The following GRM7 variants were observed in gnomAD, a reference collection of about 807,000 sequenced individuals.
GRM7 encodes metabotropic glutamate receptor 7.
GRM7 carries 35 observed loss-of-function variants against 84.5 expected under a neutral mutation model. The observed-to-expected ratio is 0.41, with a 90% CI of 0.32 to 0.55. The LOEUF (loss-of-function observed/expected upper bound fraction) is 0.55, where lower values mean the gene tolerates loss of function less well. GRM7 is among the 20% of genes least tolerant of loss of function. The pLI, the probability that GRM7 is intolerant of heterozygous loss-of-function variation, is 0.19. For synonymous variants in GRM7, 487 were observed against 455.1 expected (o/e 1.07, Z -0.89); for missense variants, 1,003 against 1,194.6 (o/e 0.84, Z 2.36).
rs1205053001 is a variant in GRM7, at chr3:6,889,311, G to A, written c.519+27404G>A. Among the ~76,000 whole-genome samples, 3 of 152,248 alleles carry A rather than the reference G, an allele frequency of 2.0e-5. No individual in the cohort carries two copies. In the South Asian group the frequency reaches 6.2e-4, roughly 32 times the overall value. On this transcript the variant is annotated intron_variant, in intron 1 of 9. Transcript: ENST00000357716. ...GAGAGGGCATCCCTTTCTTGTGCCA[G>A]TTTTCAAAGGGAATGCTTCCAGTTT... is the stretch of plus-strand genomic sequence containing the variant.
intron 8 of GRM7, among the ~76,000 whole-genome samples, chr3:7,675,623 A>G (rs1700089001): frequency 6.6e-6 from 1 of 152,236 alleles, no homozygotes; most frequent in African/African-American, 2.4e-5. Flanking sequence ...TGAATTCACC[A>G]CATATTTATG....
At chr3:7,460,099 TAAAAAAAAAAAAAAAAAAAA>T (rs71066013) in intron 6 of GRM7, among the ~76,000 whole-genome samples, 1 of 49,544 alleles carries the variant, frequency 2.0e-5, no homozygotes, top group Non-Finnish European at 3.3e-5. Flanking sequence ...CTTAAAATAG[TAAAAAAAAAAAAAAAAAAAA>T]AAAAAAAAAA....
At chr3:7,462,539 A>T (rs1236764419) in intron 7 of GRM7, among the ~76,000 whole-genome samples, 1 of 152,264 alleles carries the variant, frequency 6.6e-6, no homozygotes, top group African/African-American at 2.4e-5. Flanking sequence ...GCAACAAATT[A>T]TGCCATTAGC....
chr3:7,727,341 T>C (rs933308383), intron 9 of GRM7, among the ~76,000 whole-genome samples: 1 of 152,196 alleles, frequency 6.6e-6, no homozygotes, highest in African/African-American at 2.4e-5. Context: ...ATACTGCTTT[T>C]CAAATGCATG....
At chr3:7,394,811 G>A (rs1372850526) in intron 4 of GRM7, among the ~76,000 whole-genome samples, 1 of 152,112 alleles carries the variant, frequency 6.6e-6, no homozygotes, top group African/African-American at 2.4e-5. Flanking sequence ...GCCAAGGCGG[G>A]CAGGTCACCT....
intron 2 of GRM7, among the ~76,000 whole-genome samples, chr3:7,202,326 ATGTTTGTT>A: frequency 6.6e-6 from 1 of 151,914 alleles, no homozygotes; most frequent in East Asian, 1.9e-4. Context: ...TGTTTTTTGT[ATGTTTGTT>A]TGTTTGTTTG....
At chr3:7,333,914 A>G in intron 4 of GRM7, among the ~76,000 whole-genome samples, 1 of 152,008 alleles carries the variant, frequency 6.6e-6, no homozygotes, top group Admixed American at 6.6e-5. Flanking sequence ...AGACAAAGAC[A>G]AAGAATAAAG....
intron 1 of GRM7, among the ~76,000 whole-genome samples, chr3:7,057,890 A>G (rs1392074346): frequency 6.6e-6 from 1 of 151,940 alleles, no homozygotes; most frequent in Non-Finnish European, 1.5e-5. Context: ...TACTTAGGCA[A>G]ATGAAGCATA....
chr3:7,497,881 G>A (rs1282092328), intron 7 of GRM7, among the ~76,000 whole-genome samples: 1 of 152,134 alleles, frequency 6.6e-6, no homozygotes, highest in African/African-American at 2.4e-5. Flanking sequence ...AAAGATTAAA[G>A]ATCATATATT....
At chr3:7,246,872 G>A (rs1028203131) in intron 2 of GRM7, among the ~76,000 whole-genome samples, 5 of 152,006 alleles carry the variant, frequency 3.3e-5, no homozygotes, top group African/African-American at 1.2e-4. Context: ...TATTGAAAAG[G>A]ACAAACATTG....
At chr3:7,514,215 C>A (rs1426096376) in intron 7 of GRM7, among the ~76,000 whole-genome samples, 3 of 152,108 alleles carry the variant, frequency 2.0e-5, no homozygotes, top group African/African-American at 4.8e-5. Flanking sequence ...ACATCCTATA[C>A]AAAAATCTGT....
At chr3:6,916,190 A>T (rs909145016) in intron 1 of GRM7, among the ~76,000 whole-genome samples, 1 of 152,220 alleles carries the variant, frequency 6.6e-6, no homozygotes, top group East Asian at 1.9e-4. Flanking sequence ...GGCAAAACAG[A>T]CAGAGCTCAT....
At chr3:7,245,261 G>A (rs1041351663) in intron 2 of GRM7, among the ~76,000 whole-genome samples, 2 of 151,944 alleles carry the variant, frequency 1.3e-5, no homozygotes, top group African/African-American at 2.4e-5. Context: ...CTGACAAAAT[G>A]TTTTAAAATG....
intron 7 of GRM7, among the ~76,000 whole-genome samples, chr3:7,467,972 A>G (rs1698531061): frequency 6.6e-6 from 1 of 152,210 alleles, no homozygotes; most frequent in South Asian, 2.1e-4. Context: ...TGAATCTTTC[A>G]CACTTATTAG....
At chr3:7,145,628 T>C (rs1339759053) in intron 1 of GRM7, among the ~76,000 whole-genome samples, 1 of 152,162 alleles carries the variant, frequency 6.6e-6, no homozygotes, top group Admixed American at 6.5e-5. Flanking sequence ...TGATTTTTTT[T>C]CAAGGGGCCT....
chr3:7,680,586 A>G, intron 9 of GRM7: 1 of 378,210 alleles, frequency 2.6e-6, no homozygotes, highest in Non-Finnish European at 4.8e-6. Flanking sequence ...TGACAAATGC[A>G]CCTATCAGGT....
intron 2 of GRM7, among the ~76,000 whole-genome samples, chr3:7,147,701 C>A (rs1394893678): frequency 2.0e-5 from 3 of 152,116 alleles, no homozygotes; most frequent in Non-Finnish European, 4.4e-5. Flanking sequence ...TTATAAATCT[C>A]ATGTTTTTAA....
chr3:7,470,401 G>A (rs1698651176), intron 7 of GRM7, among the ~76,000 whole-genome samples: 1 of 152,104 alleles, frequency 6.6e-6, no homozygotes, highest in Admixed American at 6.6e-5. Flanking sequence ...GCTTTTGTGT[G>A]GAAACATGTA....
intron 2 of GRM7, among the ~76,000 whole-genome samples, chr3:7,223,915 C>A (rs2124882435): frequency 6.6e-6 from 1 of 152,300 alleles, no homozygotes. Flanking sequence ...TTCTTGTCCA[C>A]TTAGTCTCTG....
Sources: gnomAD v4.1 joint callset for allele counts (sites outside exome capture counted in the v4.1 genomes callset) on GRCh38, gnomAD v4.1.1 for gene constraint, MANE v1.5 for transcripts, NCBI Gene and HGNC (gene_info 2026-07-23, HGNC 2026-07-21) for gene names.